The following THSD7B variants were observed in gnomAD, a reference collection of about 807,000 sequenced individuals.
THSD7B encodes the protein thrombospondin type 1 domain containing 7B, also known as thrombospondin type-1 domain-containing protein 7B.
A neutral mutation model predicts 213.6 loss-of-function variants in THSD7B; 138 were observed. That is an observed-to-expected ratio of 0.65 (90% CI 0.56 to 0.74). The LOEUF (loss-of-function observed/expected upper bound fraction) is 0.74, where lower values mean the gene tolerates loss of function less well. Among genes scored for constraint, THSD7B ranks in the 30% least tolerant of loss-of-function variants. The probability of loss-of-function intolerance (pLI) is 0.00; values close to 1 mark genes in which losing one functional copy is unlikely to be tolerated. For missense variants in THSD7B, 1,931 were observed against 1,991.5 expected, an observed-to-expected ratio of 0.97 and a Z score of 0.58; for synonymous variants, 742 against 687.0, an observed-to-expected ratio of 1.08 and a Z score of -1.25.
chr2:136,840,116 C>T (rs1336454616), intron 1 of THSD7B, among the ~76,000 whole-genome samples: 1 of 152,162 alleles, frequency 6.6e-6, no homozygotes, highest in Non-Finnish European at 1.5e-5. Context: ...TGGTGGCTCA[C>T]ACCTGTAATC....
chr2:136,850,444 A>G (rs1683080681), intron 1 of THSD7B, among the ~76,000 whole-genome samples: 1 of 152,106 alleles, frequency 6.6e-6, no homozygotes, highest in Non-Finnish European at 1.5e-5. Context: ...TTTCAGGGAT[A>G]AAGAAAATAT....
At chr2:137,501,138 A>G (rs1399810523) in intron 15 of THSD7B, among the ~76,000 whole-genome samples, 4 of 152,180 alleles carry the variant, frequency 2.6e-5, no homozygotes, top group African/African-American at 9.7e-5. Context: ...TGCTTCACCT[A>G]GCATCCTTTC....
chr2:137,413,293 G>T (rs1686712582), intron 14 of THSD7B, among the ~76,000 whole-genome samples: 1 of 152,132 alleles, frequency 6.6e-6, no homozygotes, highest in African/African-American at 2.4e-5. Context: ...GTGCGCATTG[G>T]TTTATTCATT....
chr2:137,556,035 G>C (rs1413610147), intron 15 of THSD7B, among the ~76,000 whole-genome samples: 1 of 152,154 alleles, frequency 6.6e-6, no homozygotes, highest in Non-Finnish European at 1.5e-5. Context: ...AGAAATATGG[G>C]AATATGTGAA....
At chr2:137,360,404 G>A (rs1034506658) in intron 12 of THSD7B, among the ~76,000 whole-genome samples, 4 of 152,292 alleles carry the variant, frequency 2.6e-5, no homozygotes, top group African/African-American at 7.2e-5. Context: ...CTGAAGCAGA[G>A]TGGGGCACTT....
intron 12 of THSD7B, among the ~76,000 whole-genome samples, chr2:137,314,226 A>G (rs1183429287): frequency 6.6e-6 from 1 of 151,824 alleles, no homozygotes; most frequent in East Asian, 1.9e-4. Flanking sequence ...TTTTTTCTCT[A>G]AACTTCCCTT....
chr2:137,238,534 CTTTTTTTTTTTTTTTT>C (rs869146863), intron 9 of THSD7B, among the ~76,000 whole-genome samples: 2 of 51,846 alleles, frequency 3.9e-5, no homozygotes, highest in Admixed American at 6.9e-4. Context: ...ACTCATCTTT[CTTTTTTTTTTTTTTTT>C]TTTTTTTTTT....
chr2:136,853,172 C>T (rs761133812), intron 1 of THSD7B, among the ~76,000 whole-genome samples: 5 of 152,024 alleles, frequency 3.3e-5, no homozygotes, highest in Non-Finnish European at 5.9e-5. Flanking sequence ...GGACATCAAC[C>T]CTGGTATACT....
chr2:137,315,108 C>T (rs1405924224), intron 12 of THSD7B, among the ~76,000 whole-genome samples: 3 of 152,172 alleles, frequency 2.0e-5, no homozygotes, highest in South Asian at 2.1e-4. Context: ...CCCCCAGCCT[C>T]GCTGCCGCCT....
At chr2:137,502,670 T>TAA (rs1370408176) in intron 15 of THSD7B, among the ~76,000 whole-genome samples, 1 of 152,190 alleles carries the variant, frequency 6.6e-6, no homozygotes, top group Non-Finnish European at 1.5e-5. Flanking sequence ...CAAATATAAA[T>TAA]AAACTTGGAT....
Position 136,947,230 on chromosome 2 carries a change from CA to C in THSD7B, c.139+64914del, listed in dbSNP as rs149110269. ...TGCTTCCTGTTTATTCTTGTGTTTT[CA>C]GCTATTCCACATTGAAAGGCAAAAA... is the stretch of plus-strand genomic sequence containing the variant. On this transcript the variant is annotated intron_variant, in intron 2 of 27. Transcript: ENST00000409968. 6.8e-3 allele frequency among the ~76,000 whole-genome samples: 1,033 copies of C among 152,170 alleles called. 59 individuals are homozygous for C. The East Asian group carries it at 0.13, about 19-fold the overall frequency.
At position 136,993,805 on chromosome 2, in the gene THSD7B, T is replaced by G. The variant is rs1347302415; in HGVS notation, c.140-62615T>G. Among the ~76,000 whole-genome samples the G allele has an allele frequency of 2.0e-5, 3 of 151,782 alleles. No homozygotes were observed. The East Asian group carries it at 5.8e-4, about 29-fold the overall frequency. ...GAAATGTATGAAACCGGATGACCCA[T>G]GGCCAAAGGTGGGGTCATGTGTGTC... On this transcript the variant is annotated intron_variant, in intron 2 of 27. Transcript: ENST00000409968.
intron 12 of THSD7B, among the ~76,000 whole-genome samples, chr2:137,365,268 G>T (rs1016451127): frequency 3.9e-5 from 6 of 152,182 alleles, no homozygotes; most frequent in African/African-American, 1.2e-4. Flanking sequence ...TTACCTGTTA[G>T]ATCTAAAACC....
intron 2 of THSD7B, among the ~76,000 whole-genome samples, chr2:136,942,298 T>A (rs1189553507): frequency 6.6e-6 from 1 of 152,198 alleles, no homozygotes; most frequent in African/African-American, 2.4e-5. Context: ...CCAGCTTTGT[T>A]ATTTTTGGTT....
At position 136,870,654 on chromosome 2, in the gene THSD7B, G is replaced by A. The variant is rs73957597; in HGVS notation, c.-35-11490G>A. 9.7e-3 allele frequency among the ~76,000 whole-genome samples: 1,472 copies of A among 152,290 alleles called. 27 individuals are homozygous for A. The highest frequency in any genetic ancestry group is 0.033 in the African/African-American group (1,392 of 41,562). On this transcript the variant is annotated intron_variant, in intron 1 of 27. Transcript: ENST00000409968. ...ACAATGAAGTGAGGAAGCAGGTCACGTGAATAGGAAGGAATGGCAGTGCAA... is the reference window on the plus strand; with the variant it reads ...ACAATGAAGTGAGGAAGCAGGTCACATGAATAGGAAGGAATGGCAGTGCAA...
At chr2:137,144,061 G>T (rs918033424) in intron 5 of THSD7B, among the ~76,000 whole-genome samples, 15 of 152,104 alleles carry the variant, frequency 9.9e-5, no homozygotes, top group African/African-American at 2.9e-4. Flanking sequence ...TTGCACATGG[G>T]TAGGGCAACA....
chr2:137,579,533 CGT>C (rs141234050), intron 17 of THSD7B, among the ~76,000 whole-genome samples: 6,363 of 135,080 alleles, frequency 0.047, 228 homozygotes, highest in South Asian at 0.095. Flanking sequence ...CACACACGCG[CGT>C]GCGCACACAC....
At chr2:137,217,020 G>C (rs1474104151) in intron 7 of THSD7B, among the ~76,000 whole-genome samples, 5 of 152,026 alleles carry the variant, frequency 3.3e-5, no homozygotes, top group Non-Finnish European at 7.3e-5. Flanking sequence ...ACCTAAATGA[G>C]AGCCCCTTTT....
chr2:137,024,588 A>T (rs558681982), intron 2 of THSD7B, among the ~76,000 whole-genome samples: 5 of 152,200 alleles, frequency 3.3e-5, no homozygotes, highest in Admixed American at 6.5e-5. Flanking sequence ...CAAAATTAGC[A>T]CCTTATTTCA....
Sources: allele counts gnomAD v4.1 joint callset (sites outside exome capture counted in the v4.1 genomes callset), GRCh38; gene constraint gnomAD v4.1.1; transcripts MANE v1.5; gene names NCBI Gene and HGNC (gene_info 2026-07-23, HGNC 2026-07-21).